The following UBE3D variants were observed in gnomAD, a reference collection of about 807,000 sequenced individuals.
UBE3D encodes the protein E3 ubiquitin-protein ligase E3D.
A neutral mutation model predicts 49.6 loss-of-function variants in UBE3D; 48 were observed. The ratio of observed to expected loss-of-function variants is 0.97; its 90% CI spans 0.77 to 1.23. UBE3D has a LOEUF of 1.23. Ranked by LOEUF, UBE3D falls within the 50% of genes most tolerant of loss-of-function variation. The probability of loss-of-function intolerance (pLI) is 0.00; values close to 1 mark genes in which losing one functional copy is unlikely to be tolerated. For missense variants in UBE3D, 452 were observed against 468.4 expected (o/e 0.96, Z 0.32); for synonymous variants, 189 against 174.2 (o/e 1.08, Z -0.67).
At chr6:82,885,590 C>T in the UBE3D span, among the ~76,000 whole-genome samples, 1 of 152,178 alleles carries the variant, frequency 6.6e-6, no homozygotes, top group Non-Finnish European at 1.5e-5. Context: ...TCAACCCAGG[C>T]AGGCAGATTC....
At chr6:82,904,131 G>A (rs886399936) in intron 9 of UBE3D, among the ~76,000 whole-genome samples, 4 of 152,146 alleles carry the variant, frequency 2.6e-5, no homozygotes, top group Admixed American at 2.0e-4. Context: ...GAGAATTGGA[G>A]ATAAAGTACA....
At chr6:82,899,897 C>G (rs966985231) in intron 9 of UBE3D, among the ~76,000 whole-genome samples, 1 of 152,136 alleles carries the variant, frequency 6.6e-6, no homozygotes, top group African/African-American at 2.4e-5. Flanking sequence ...ATATAGCAGT[C>G]TTCTGATATT....
intron 9 of UBE3D, among the ~76,000 whole-genome samples, chr6:82,936,154 A>C (rs1774558341): frequency 6.6e-6 from 1 of 152,178 alleles, no homozygotes. Context: ...TCTCTGCTAG[A>C]AAATCCTAGA....
intron 8 of UBE3D, among the ~76,000 whole-genome samples, chr6:83,016,092 A>G (rs140254592): frequency 0.017 from 2,635 of 152,214 alleles, 42 homozygotes; most frequent in Admixed American, 0.057. Flanking sequence ...CACATGATAA[A>G]AGCTTTTGTC....
chr6:82,946,022 T>G (rs1775376438), intron 9 of UBE3D, among the ~76,000 whole-genome samples: 1 of 152,068 alleles, frequency 6.6e-6, no homozygotes. Flanking sequence ...AAAATAGCCT[T>G]CAAGGGGCAA....
intron 7 of UBE3D, 94 bp from the exon 8 acceptor site, chr6:83,019,230 A>C (rs1161109809): frequency 1.7e-6 from 2 of 1,163,158 alleles, no homozygotes; most frequent in Non-Finnish European, 2.3e-6. Flanking sequence ...CTATGAAAAT[A>C]CCAGAAAAAA....
intron 9 of UBE3D, among the ~76,000 whole-genome samples, chr6:82,907,221 A>G (rs1772166861): frequency 6.6e-6 from 1 of 152,156 alleles, no homozygotes; most frequent in Admixed American, 6.5e-5. Flanking sequence ...TGGAAGGATG[A>G]GGTCGGGCTG....
At position 83,045,606 on chromosome 6, in the gene UBE3D, A is replaced by G. The variant is rs371847406; in HGVS notation, c.366-947T>C. 3.2e-4 allele frequency among the ~76,000 whole-genome samples: 48 copies of G among 152,282 alleles called. 1 individual carries two copies. The South Asian group carries it at 4.1e-3, about 13-fold the overall frequency. On this transcript the variant is annotated intron_variant, in intron 3 of 9. Transcript: ENST00000369747. ...CGTGTCTTAATGGTCAGATCACCTA[A>G]CAACTTTCTTCTATAATTTCTTCTA... is the stretch of plus-strand genomic sequence containing the variant.
At chr6:83,046,676 G>GGGGGGGC (rs1554211660) in intron 3 of UBE3D, among the ~76,000 whole-genome samples, 2 of 138,202 alleles carry the variant, frequency 1.4e-5, no homozygotes, top group East Asian at 4.5e-4. Flanking sequence ...AGTTGGCGGG[G>GGGGGGGC]GGGGTGGGCG....
chr6:82,979,044 GAA>G (rs777307291), intron 8 of UBE3D, among the ~76,000 whole-genome samples: 1 of 152,054 alleles, frequency 6.6e-6, no homozygotes, highest in Non-Finnish European at 1.5e-5. Flanking sequence ...TAAGACCTGG[GAA>G]AATCAAAACT....
intron 9 of UBE3D, among the ~76,000 whole-genome samples, chr6:82,946,898 T>C (rs1406177565): frequency 3.5e-5 from 5 of 144,564 alleles, no homozygotes; most frequent in African/African-American, 1.3e-4. Flanking sequence ...TTAACAAAAA[T>C]CATACAACAG....
chr6:83,035,066 G>A (rs557766057), intron 5 of UBE3D, among the ~76,000 whole-genome samples: 9 of 151,610 alleles, frequency 5.9e-5, no homozygotes, highest in South Asian at 2.1e-4. Context: ...CTGTGGTCCC[G>A]GCTACTTGGG....
chr6:82,996,011 G>A (rs1779214152), intron 8 of UBE3D, among the ~76,000 whole-genome samples: 1 of 152,134 alleles, frequency 6.6e-6, no homozygotes, highest in East Asian at 1.9e-4. Flanking sequence ...GTTGCAGTGA[G>A]CTGAGATCAT....
intron 1 of UBE3D, 50 bp downstream of exon 1, chr6:83,065,592 G>T: frequency 6.3e-7 from 1 of 1,579,882 alleles, no homozygotes; most frequent in Non-Finnish European, 8.7e-7. Flanking sequence ...CCCGACCCCC[G>T]GGCAGCAGTA....
chr6:82,970,764 G>A (rs764440048), intron 8 of UBE3D, among the ~76,000 whole-genome samples: 5 of 152,014 alleles, frequency 3.3e-5, no homozygotes, highest in Admixed American at 1.3e-4. Context: ...GCTTGAACCC[G>A]GGAGGCAGAG....
rs567567285 is a variant in UBE3D, at chr6:82,914,100, C to A, written c.1150-21058G>T. Among the ~76,000 whole-genome samples the A allele has an allele frequency of 3.9e-5, 6 of 152,270 alleles. No homozygotes were observed. In the South Asian group the frequency reaches 1.2e-3, roughly 32 times the overall value. On this transcript the variant is annotated intron_variant, in intron 9 of 9. Coordinates refer to ENST00000369747, the MANE Select transcript of UBE3D (RefSeq NM_198920.3). ...ACTAGCTGCAGAGCTAAAACCAGAA[C>A]CTAGATTTCTTTCAGTTTCCTCCAA...
intron 8 of UBE3D, among the ~76,000 whole-genome samples, chr6:82,974,357 C>A (rs1026758508): frequency 6.6e-6 from 1 of 151,994 alleles, no homozygotes; most frequent in Admixed American, 6.6e-5. Flanking sequence ...GGTTCCAGGA[C>A]CCCCCACAAC....
At chr6:82,922,116 G>A (rs1773390227) in intron 9 of UBE3D, among the ~76,000 whole-genome samples, 2 of 121,168 alleles carry the variant, frequency 1.7e-5, no homozygotes, top group African/African-American at 5.8e-5. Flanking sequence ...AGACATAAAA[G>A]GCATATTCTG....
chr6:82,935,889 A>G (rs541235571), intron 9 of UBE3D, among the ~76,000 whole-genome samples: 2 of 152,286 alleles, frequency 1.3e-5, no homozygotes, highest in South Asian at 2.1e-4. Flanking sequence ...TTCACAAACT[A>G]TCAGTGACAG....
Sources: allele counts gnomAD v4.1 joint callset (sites outside exome capture counted in the v4.1 genomes callset), GRCh38; gene constraint gnomAD v4.1.1; transcripts MANE v1.5; gene names NCBI Gene and HGNC (gene_info 2026-07-23, HGNC 2026-07-21).